The following ROCK2 variants were observed in gnomAD, a reference collection of about 807,000 sequenced individuals.
ROCK2 encodes rho-associated protein kinase 2.
In ROCK2, 61 loss-of-function variants were observed where a neutral mutation model predicts 195.1. That is an observed-to-expected ratio of 0.31 (90% CI 0.25 to 0.39). The LOEUF (loss-of-function observed/expected upper bound fraction) is 0.39. ROCK2 is among the 10% of genes least tolerant of loss of function. The pLI, the probability that ROCK2 is intolerant of heterozygous loss-of-function variation, is 1.00. For missense variants in ROCK2, 1,109 were observed against 1,637.4 expected, an observed-to-expected ratio of 0.68 and a Z score of 5.57; for synonymous variants, 504 against 545.5, an observed-to-expected ratio of 0.92 and a Z score of 1.06.
intron 1 of ROCK2, among the ~76,000 whole-genome samples, chr2:11,305,112 A>C (rs1302780099): frequency 6.6e-6 from 1 of 152,244 alleles, no homozygotes; most frequent in Non-Finnish European, 1.5e-5. Flanking sequence ...GTGGTGGCTC[A>C]TGCCTGTAAT....
chr2:11,287,275 T>G (rs1667229682), intron 2 of ROCK2, among the ~76,000 whole-genome samples: 1 of 152,188 alleles, frequency 6.6e-6, no homozygotes, highest in Admixed American at 6.5e-5. Flanking sequence ...GTTACATTAT[T>G]TATTATTAAC....
chr2:11,283,587 C>CAAGAAAAAAAGAAAGA (rs1667090237), intron 3 of ROCK2, among the ~76,000 whole-genome samples: 1 of 126,482 alleles, frequency 7.9e-6, no homozygotes, highest in Non-Finnish European at 1.6e-5. Flanking sequence ...AAAAAAAAAG[C>CAAGAAAAAAAGAAAGA]AAGAAAGAAA....
chr2:11,280,315 CCA>C (rs1199930132), intron 3 of ROCK2, among the ~76,000 whole-genome samples: 1 of 151,956 alleles, frequency 6.6e-6, no homozygotes, highest in Non-Finnish European at 1.5e-5. Flanking sequence ...ACTAAGGATT[CCA>C]CAGACATTAA....
At position 11,197,233 on chromosome 2, in the gene ROCK2, C is replaced by G; in HGVS notation, c.3395G>C (p.Ser1132Thr). 1 of 1,613,706 alleles carries G rather than the reference C, an allele frequency of 6.2e-7. No homozygotes were observed. Among genetic ancestry groups the G allele is most frequent in the Non-Finnish European group, 8.5e-7 (1 of 1,179,760 alleles). ...CCCTGGTCCACTGCCTATACTGGAA[C>G]TATCCAGACCAATATGCAAGGCTTG... is the stretch of plus-strand genomic sequence containing the variant. ...QLQALHIGLDSSSIGSGPGDA... is the reference protein window; with the variant it reads ...QLQALHIGLDTSSIGSGPGDA... The change falls in exon 27 of 33, where the codon AGT becomes ACT. Residue 1132 changes from serine (S) to threonine (T), a missense_variant. Coordinates refer to ENST00000315872, the MANE Select transcript of ROCK2 (RefSeq NM_004850.5). This position sits in a 1 kb window ranked among gnomAD's most constrained non-coding sequence, Gnocchi z 4.9.
At chr2:11,344,967 C>T (rs1228945707), upstream of ROCK2, among the ~76,000 whole-genome samples, 1 of 150,994 alleles carries the variant, frequency 6.6e-6, no homozygotes, top group African/African-American at 2.4e-5. The surrounding 1 kb of genome is among the most constrained non-coding windows in gnomAD (Gnocchi z 5.4). Flanking sequence ...TACCCCGCGG[C>T]CCCGAGGCGG....
chr2:11,338,301 T>C (rs1419807353), intron 1 of ROCK2, among the ~76,000 whole-genome samples: 2 of 152,154 alleles, frequency 1.3e-5, no homozygotes, highest in Non-Finnish European at 2.9e-5. Context: ...GCGCTATGAC[T>C]ACACCACTGC....
chr2:11,216,425 A>C (rs1238430199), intron 12 of ROCK2, among the ~76,000 whole-genome samples: 1 of 152,008 alleles, frequency 6.6e-6, no homozygotes. Context: ...CAGCCTCCCA[A>C]GTAGCTCCCT....
intron 5 of ROCK2, among the ~76,000 whole-genome samples, chr2:11,231,501 C>G (rs1665010133): frequency 6.6e-6 from 1 of 152,124 alleles, no homozygotes; most frequent in South Asian, 2.1e-4. Context: ...AGCCATCGTG[C>G]CTGGCCTCTT....
chr2:11,307,974 A>C, intron 1 of ROCK2: 1 of 1,482,660 alleles, frequency 6.7e-7, no homozygotes, highest in African/African-American at 1.4e-5. Context: ...GGCGCCCTAG[A>C]ACCCGGCCTT....
At position 11,344,413 on chromosome 2, in the gene ROCK2, CGCTGGTCCTCA is replaced by C; in HGVS notation, c.-288_-278del. 9.2e-7 allele frequency: 1 copy of C among 1,083,326 alleles called. No individual in the cohort carries two copies. Among genetic ancestry groups the C allele is most frequent in the Non-Finnish European group, 1.1e-6 (1 of 893,786 alleles). The allele number at this position is 1,083,326 out of a possible 1,614,324, so 67.1% of individuals were successfully genotyped here. On this transcript the variant is annotated 5_prime_UTR_variant, in exon 1 of 33. Coordinates refer to ENST00000315872, the MANE Select transcript of ROCK2 (RefSeq NM_004850.5). This position sits in a 1 kb window ranked among gnomAD's most constrained non-coding sequence, Gnocchi z 5.4. ...CTCAGTCAGATTCGCGCCGCCGGTCCGCTGGTCCTCAGCGAGTGCCCGCAGGAGTCCTCGGG... is the reference window on the plus strand; with the variant it reads ...CTCAGTCAGATTCGCGCCGCCGGTCCGCGAGTGCCCGCAGGAGTCCTCGGG...
intron 1 of ROCK2, among the ~76,000 whole-genome samples, chr2:11,330,835 A>AGAGGGAGGAGGAGGGAGGAG (rs1668711797): frequency 2.7e-4 from 1 of 3,734 alleles, no homozygotes; most frequent in African/African-American, 5.2e-4. Context: ...AGGGGGAGGA[A>AGAGGGAGGAGGAGGGAGGAG]GAGGGAGGAG....
chr2:11,343,669 T>C (rs1669181840), intron 1 of ROCK2, among the ~76,000 whole-genome samples: 1 of 152,110 alleles, frequency 6.6e-6, no homozygotes, highest in South Asian at 2.1e-4. Context: ...TAACCTGGTG[T>C]ATGAAGCATG....
intron 1 of ROCK2, among the ~76,000 whole-genome samples, chr2:11,296,000 A>AGGGG (rs1558369760): frequency 8.7e-5 from 2 of 22,910 alleles, no homozygotes; most frequent in African/African-American, 2.6e-4. Flanking sequence ...GGAGAGAGAG[A>AGGGG]GAGAGGAGAG....
At position 11,238,209 on chromosome 2, in the gene ROCK2, A is replaced by AGTGTGT. The variant is rs6146630; in HGVS notation, c.463-2253_463-2248dup. ...AAGGCTGGTTACCAAATTGAGAAAGAGTGTGTGTGTGTGTGTGTGTGTGTG... is the reference window on the plus strand; with the variant it reads ...AAGGCTGGTTACCAAATTGAGAAAGAGTGTGTGTGTGTGTGTGTGTGTGTGTGTGTG... On this transcript the variant is annotated intron_variant, in intron 4 of 32. Coordinates refer to ENST00000315872, the MANE Select transcript of ROCK2 (RefSeq NM_004850.5). Among the ~76,000 whole-genome samples, 475 of 135,354 alleles carry AGTGTGT rather than the reference A, an allele frequency of 3.5e-3. 8 individuals carry two copies. Among genetic ancestry groups the AGTGTGT allele is most frequent in the African/African-American group, 9.1e-3 (310 of 34,188 alleles). 88.8% of individuals were successfully genotyped at this position (135,354 alleles called of 152,430 possible). A position where few individuals can be genotyped will look rare whatever the true frequency, so the allele number is the denominator to read the frequency against.
At chr2:11,242,090 G>C (rs1430416109) in intron 4 of ROCK2, among the ~76,000 whole-genome samples, 2 of 152,086 alleles carry the variant, frequency 1.3e-5, no homozygotes, top group East Asian at 3.9e-4. Flanking sequence ...CTTTGATCTT[G>C]GACTTCCCAG....
chr2:11,266,998 TTCTC>T, intron 3 of ROCK2, among the ~76,000 whole-genome samples: 1 of 152,362 alleles, frequency 6.6e-6, no homozygotes, highest in East Asian at 1.9e-4. Flanking sequence ...TTCCTTTTTC[TTCTC>T]TTTCCTTTAA....
At chr2:11,205,613 T>A (rs533118698) in intron 20 of ROCK2, among the ~76,000 whole-genome samples, 4 of 151,640 alleles carry the variant, frequency 2.6e-5, no homozygotes, top group African/African-American at 4.8e-5. Context: ...TTTTTTTTTT[T>A]ACCTTCTATT....
chr2:11,241,905 G>T (rs1305254811), intron 4 of ROCK2, among the ~76,000 whole-genome samples: 3 of 152,124 alleles, frequency 2.0e-5, no homozygotes, highest in African/African-American at 7.2e-5. Context: ...GGTCATGGAG[G>T]TCACTTGAGC....
At chr2:11,237,062 G>T (rs1273856489) in intron 4 of ROCK2, among the ~76,000 whole-genome samples, 1 of 152,210 alleles carries the variant, frequency 6.6e-6, no homozygotes, top group East Asian at 1.9e-4. Flanking sequence ...TGAGGCAGGA[G>T]AACTGCTTGA....
Sources: gnomAD v4.1 joint callset for allele counts (sites outside exome capture counted in the v4.1 genomes callset) on GRCh38, gnomAD v4.1.1 for gene constraint, Gnocchi (gnomAD v3.1) non-coding constraint, MANE v1.5 for transcripts, NCBI Gene and HGNC (gene_info 2026-07-23, HGNC 2026-07-21) for gene names.